Variants in NEURL1 observed in about 807,000 individuals in gnomAD.
The protein encoded by NEURL1 is neuralized E3 ubiquitin protein ligase 1.
In NEURL1, 26 loss-of-function variants were observed where a neutral mutation model predicts 41.2. The ratio of observed to expected loss-of-function variants is 0.63; its 90% CI spans 0.46 to 0.87. The LOEUF is 0.87. Among genes scored for constraint, NEURL1 ranks in the 40% least tolerant of loss-of-function variants. The pLI is 0.00. For missense variants in NEURL1, 761 were observed against 871.1 expected (o/e 0.87, Z 1.59); for synonymous variants, 400 against 402.3 (o/e 0.99, Z 0.07).
rs1434723294 is a variant in NEURL1 at position 103,589,680 on chromosome 10, T to C, written c.1486+20T>C. On this transcript the variant is annotated intron_variant, in intron 5 of 5. Coordinates refer to ENST00000369780, the MANE Select transcript of NEURL1 (RefSeq NM_004210.5). ...CTGGTGGTAAGTAGGCTGGCTCCTC[T>C]GTTCCTTGGTGACCATGTGGGACTG... 6.3e-7 allele frequency: 1 copy of C among 1,595,932 alleles called. No individual in the cohort carries two copies. Among genetic ancestry groups the C allele is most frequent in the Non-Finnish European group, 8.6e-7 (1 of 1,168,810 alleles).
At chr10:103,565,227 G>A (rs1482678315) in intron 1 of NEURL1, among the ~76,000 whole-genome samples, 19 of 152,206 alleles carry the variant, frequency 1.2e-4, no homozygotes, top group Admixed American at 1.2e-3. Flanking sequence ...GGAGCCCACA[G>A]TCCATGGCAG....
chr10:103,543,141 AG>A (rs1248986049), intron 1 of NEURL1, among the ~76,000 whole-genome samples: 1 of 152,144 alleles, frequency 6.6e-6, no homozygotes, highest in Non-Finnish European at 1.5e-5. Flanking sequence ...GCCAGGCACA[AG>A]GTTTTCCGCC....
At chr10:103,514,529 C>G (rs2034152941) in intron 1 of NEURL1, among the ~76,000 whole-genome samples, 1 of 152,158 alleles carries the variant, frequency 6.6e-6, no homozygotes, top group African/African-American at 2.4e-5. Flanking sequence ...CTCTAGACTC[C>G]TGAGTCTGCA....
chr10:103,571,048 A>G lies in NEURL1; in HGVS notation c.262A>G (p.Ser88Gly), dbSNP rs1305062906. The G allele has an allele frequency of 1.2e-6, 2 of 1,613,976 alleles. No homozygotes were observed. Among genetic ancestry groups the G allele is most frequent in the South Asian group, 2.2e-5 (2 of 91,088 alleles). The change falls in exon 2 of 6, where the codon AGC (serine) becomes GGC (glycine). Residue 88 changes from serine to glycine, a missense_variant. This residue lies in a region of NEURL1 where 65 missense variants were observed against 131.6 expected (regional missense o/e 0.49). Coordinates refer to ENST00000369780, the MANE Select transcript of NEURL1 (RefSeq NM_004210.5). Reference protein sequence around the residue: ...LSHKAVKRQASFCNAITFSNR... With the variant: ...LSHKAVKRQAGFCNAITFSNR... ...CCACAAGGCTGTCAAGAGGCAGGCC[A>G]GCTTCTGCAACGCCATCACCTTCAG...
chr10:103,585,832 C>CA (rs764619225), intron 4 of NEURL1, among the ~76,000 whole-genome samples: 1,060 of 90,930 alleles, frequency 0.012, 6 homozygotes, highest in Non-Finnish European at 0.014. Flanking sequence ...GACTCCGTCT[C>CA]AAAAAAAAAA....
intron 1 of NEURL1, among the ~76,000 whole-genome samples, chr10:103,519,462 C>A (rs2034295835): frequency 6.6e-6 from 1 of 152,136 alleles, no homozygotes; most frequent in Admixed American, 6.5e-5. Flanking sequence ...CATATTCTTC[C>A]CCTCAGTGCC....
At chr10:103,498,752 C>G (rs1353961055) in intron 1 of NEURL1, among the ~76,000 whole-genome samples, 1 of 152,222 alleles carries the variant, frequency 6.6e-6, no homozygotes, top group Non-Finnish European at 1.5e-5. Flanking sequence ...TCTGTATGGA[C>G]TCGCCTATTC....
chr10:103,517,746 GA>G (rs761475702), intron 1 of NEURL1, among the ~76,000 whole-genome samples: 7 of 152,240 alleles, frequency 4.6e-5, no homozygotes, highest in African/African-American at 1.2e-4. Flanking sequence ...AGTGCTGGGT[GA>G]ACTTGCTCTA....
rs1199888789 is a variant in NEURL1 at position 103,556,507 on chromosome 10, G to A, written c.86-14365G>A. 6.6e-6 allele frequency among the ~76,000 whole-genome samples: 1 copy of A among 152,152 alleles called. No individual in the cohort carries two copies. Among genetic ancestry groups the A allele is most frequent in the African/African-American group, 2.4e-5 (1 of 41,438 alleles). On this transcript the variant is annotated intron_variant, in intron 1 of 5. Coordinates refer to ENST00000369780, the MANE Select transcript of NEURL1 (RefSeq NM_004210.5). The surrounding 1 kb of genome is among the most constrained non-coding windows in gnomAD (Gnocchi z 4.4). ...GGGAGAGGCTCAGGAAGGAAGGAGGGTGGTGGCAGGAGCGCATGGGCAGCC... is the reference window on the plus strand; with the variant it reads ...GGGAGAGGCTCAGGAAGGAAGGAGGATGGTGGCAGGAGCGCATGGGCAGCC...
chr10:103,530,624 T>A (rs779881791), intron 1 of NEURL1, among the ~76,000 whole-genome samples: 1 of 151,758 alleles, frequency 6.6e-6, no homozygotes, highest in Non-Finnish European at 1.5e-5. Context: ...CACTGCAACC[T>A]CTGCCTCCCA....
At chr10:103,541,887 C>T (rs1349578769) in intron 1 of NEURL1, among the ~76,000 whole-genome samples, 3 of 152,234 alleles carry the variant, frequency 2.0e-5, no homozygotes, top group Non-Finnish European at 4.4e-5. Flanking sequence ...CATCTCTCTA[C>T]TCTGCCATCC....
intron 1 of NEURL1, among the ~76,000 whole-genome samples, chr10:103,535,822 G>A (rs963036610): frequency 6.6e-6 from 1 of 152,154 alleles, no homozygotes; most frequent in Non-Finnish European, 1.5e-5. Context: ...ACTGGGCTGG[G>A]GTGGAGGGTG....
intron 1 of NEURL1, among the ~76,000 whole-genome samples, chr10:103,565,173 G>A (rs922988346): frequency 6.6e-6 from 1 of 152,148 alleles, no homozygotes; most frequent in Non-Finnish European, 1.5e-5. Flanking sequence ...GCCAGGAACA[G>A]GGAGGGGCAG....
chr10:103,589,391 C>G (rs575286927), intron 4 of NEURL1, 123 bp from the exon 5 acceptor site: 1 of 1,103,154 alleles, frequency 9.1e-7, no homozygotes, highest in East Asian at 2.6e-5. Context: ...TGCAAAATCC[C>G]GCTCTTGGCC....
At chr10:103,563,589 G>T (rs1452340714) in intron 1 of NEURL1, among the ~76,000 whole-genome samples, 1 of 152,192 alleles carries the variant, frequency 6.6e-6, no homozygotes, top group African/African-American at 2.4e-5. Context: ...GATGGGTGGG[G>T]TTTGGAGAGG....
At chr10:103,507,066 G>T (rs1449900696) in intron 1 of NEURL1, among the ~76,000 whole-genome samples, 1 of 152,188 alleles carries the variant, frequency 6.6e-6, no homozygotes, top group East Asian at 1.9e-4. Flanking sequence ...TGCCCTACCT[G>T]CTTTCTCATC....
chr10:103,529,828 C>G (rs576625775), intron 1 of NEURL1, among the ~76,000 whole-genome samples: 8 of 152,280 alleles, frequency 5.3e-5, no homozygotes, highest in Non-Finnish European at 8.8e-5. Flanking sequence ...GGTCAGGGGT[C>G]TCTTCAGTAT....
intron 1 of NEURL1, among the ~76,000 whole-genome samples, chr10:103,522,357 C>G (rs2034368851): frequency 6.6e-6 from 1 of 151,754 alleles, no homozygotes; most frequent in Non-Finnish European, 1.5e-5. Flanking sequence ...CCTGTAATCC[C>G]AGAACCTTGG....
chr10:103,536,493 G>A (rs1258800556), intron 1 of NEURL1, among the ~76,000 whole-genome samples: 9 of 152,096 alleles, frequency 5.9e-5, no homozygotes, highest in Non-Finnish European at 1.0e-4. Context: ...GCAGTGAGCC[G>A]AGATTGCACC....
Sources: allele counts gnomAD v4.1 joint callset (sites outside exome capture counted in the v4.1 genomes callset), GRCh38; gene constraint gnomAD v4.1.1; regional missense constraint gnomAD v4.1.1; non-coding constraint Gnocchi (gnomAD v3.1); transcripts MANE v1.5; gene names NCBI Gene and HGNC (gene_info 2026-07-23, HGNC 2026-07-21).